CADM2: variants seen among roughly 807,000 people sequenced by gnomAD.
The protein encoded by CADM2 is cell adhesion molecule 2.
A neutral mutation model predicts 49.8 loss-of-function variants in CADM2; 12 were observed. The ratio of observed to expected loss-of-function variants is 0.24; its 90% CI spans 0.15 to 0.39. The LOEUF (loss-of-function observed/expected upper bound fraction) is 0.39, where lower values mean the gene tolerates loss of function less well. CADM2 is among the 10% of genes least tolerant of loss of function. The pLI is 1.00. For missense variants in CADM2, 378 were observed against 492.3 expected (o/e 0.77, Z 2.20); for synonymous variants, 214 against 175.4 (o/e 1.22, Z -1.74).
At chr3:85,639,015 A>G (rs2064616374) in intron 1 of CADM2, among the ~76,000 whole-genome samples, 1 of 152,212 alleles carries the variant, frequency 6.6e-6, no homozygotes, top group Non-Finnish European at 1.5e-5. Context: ...TACAGAGTAC[A>G]TTCCTGTAAA....
intron 1 of CADM2, among the ~76,000 whole-genome samples, chr3:85,663,800 A>G (rs950660099): frequency 5.9e-5 from 9 of 151,896 alleles, no homozygotes; most frequent in Admixed American, 2.6e-4. Flanking sequence ...TCTCTCCTCC[A>G]TATATTTACC....
intron 2 of CADM2, among the ~76,000 whole-genome samples, chr3:85,782,570 C>T (rs552405289): frequency 9.3e-5 from 14 of 150,852 alleles, no homozygotes; most frequent in East Asian, 3.9e-4. Flanking sequence ...GCAGGAGAAT[C>T]GCTTGAACCC....
At chr3:85,994,739 A>C (rs1408027155) in intron 8 of CADM2, 3 of 152,222 alleles carry the variant, frequency 2.0e-5, no homozygotes, top group Admixed American at 1.3e-4. Flanking sequence ...GAGGTGGGGA[A>C]AACAGCTGGT....
intron 1 of CADM2, among the ~76,000 whole-genome samples, chr3:85,199,014 A>T (rs1205304031): frequency 6.6e-6 from 1 of 151,920 alleles, no homozygotes; most frequent in African/African-American, 2.4e-5. Flanking sequence ...CCTCCGCTGC[A>T]GGAAGGCAGC....
rs1003158675 is a variant in CADM2, at chr3:86,070,826, T to C, written c.*4043T>C. 3.9e-5 allele frequency: 6 copies of C among 151,928 alleles called. No homozygotes were observed. The highest frequency in any genetic ancestry group is 1.4e-4 in the African/African-American group (6 of 41,430). The allele number at this position is 151,928 out of a possible 1,614,324, so 9.4% of individuals were successfully genotyped here. ...GTTGGAAACCCATGTAATTATAATA[T>C]GCATTTTGAATATTGGGAAAGAGGA... On this transcript the variant is annotated 3_prime_UTR_variant, in exon 10 of 10. Transcript: ENST00000383699.
intron 1 of CADM2, among the ~76,000 whole-genome samples, chr3:85,203,334 T>G (rs372110622): frequency 6.6e-5 from 10 of 152,242 alleles, no homozygotes; most frequent in African/African-American, 2.4e-4. Context: ...TGGTTACTAT[T>G]AATAATTTTA....
chr3:85,206,789 CTT>C (rs1242510265), intron 1 of CADM2, among the ~76,000 whole-genome samples: 1 of 151,606 alleles, frequency 6.6e-6, no homozygotes, highest in Non-Finnish European at 1.5e-5. Flanking sequence ...ACATTTATAT[CTT>C]TTTATGATTT....
intron 1 of CADM2, among the ~76,000 whole-genome samples, chr3:85,109,001 A>T (rs2038352739): frequency 6.6e-6 from 1 of 152,110 alleles, no homozygotes; most frequent in South Asian, 2.1e-4. Flanking sequence ...TGCAGCATAT[A>T]TTAATCTGGA....
At chr3:85,062,441 A>G (rs1369660231) in intron 1 of CADM2, among the ~76,000 whole-genome samples, 1 of 152,056 alleles carries the variant, frequency 6.6e-6, no homozygotes, top group Non-Finnish European at 1.5e-5. Context: ...ATTTTTGCAT[A>G]TATTTTCATT....
intron 1 of CADM2, among the ~76,000 whole-genome samples, chr3:85,080,154 G>A (rs139441741): frequency 1.3e-5 from 2 of 152,102 alleles, no homozygotes; most frequent in African/African-American, 4.8e-5. Flanking sequence ...TAACTTAAAT[G>A]ATGTACTTCT....
intron 1 of CADM2, among the ~76,000 whole-genome samples, chr3:85,090,939 A>C (rs1226191732): frequency 3.9e-5 from 6 of 152,156 alleles, no homozygotes; most frequent in Admixed American, 1.3e-4. Context: ...GTGGTATCAA[A>C]AAGGTTGGGG....
At chr3:85,038,539 A>AT (rs1173910527) in intron 1 of CADM2, among the ~76,000 whole-genome samples, 2 of 152,264 alleles carry the variant, frequency 1.3e-5, no homozygotes, top group Admixed American at 6.5e-5. Context: ...AGGCATCTAC[A>AT]TTTTTTATAT....
At chr3:85,139,738 G>A (rs1488341585) in intron 1 of CADM2, among the ~76,000 whole-genome samples, 2 of 152,096 alleles carry the variant, frequency 1.3e-5, no homozygotes, top group South Asian at 2.1e-4. Context: ...AACTAATGAA[G>A]AATTGTGTCC....
intron 5 of CADM2, among the ~76,000 whole-genome samples, chr3:85,894,289 T>C (rs576752908): frequency 6.6e-6 from 1 of 152,128 alleles, no homozygotes; most frequent in South Asian, 2.1e-4. Flanking sequence ...TATGTGGGAA[T>C]TGAGCAATGA....
rs187986892 is a variant in CADM2 at position 85,699,036 on chromosome 3, G to T, written c.62-27486G>T. 1.3e-3 allele frequency among the ~76,000 whole-genome samples: 198 copies of T among 152,316 alleles called. 2 individuals are homozygous for T. Among genetic ancestry groups the T allele is most frequent in the African/African-American group, 4.6e-3 (192 of 41,566 alleles). ...GGTAAATACTCCTTTCTGAAAGGGA[G>T]AAATCAGCCAAAACAAAGGGGTTAC... On this transcript the variant is annotated intron_variant, in intron 1 of 9. Coordinates refer to ENST00000383699, the MANE Select transcript of CADM2 (RefSeq NM_001167675.2).
intron 3 of CADM2, among the ~76,000 whole-genome samples, chr3:85,852,822 T>C (rs2075161356): frequency 6.6e-6 from 1 of 152,092 alleles, no homozygotes; most frequent in African/African-American, 2.4e-5. Flanking sequence ...GATGATTTAC[T>C]CTTTCTGGGA....
At chr3:85,218,509 A>G (rs1189996126) in intron 1 of CADM2, among the ~76,000 whole-genome samples, 6 of 152,178 alleles carry the variant, frequency 3.9e-5, no homozygotes, top group African/African-American at 1.2e-4. Flanking sequence ...AGCTGAGAGC[A>G]TAGGGAGGTA....
chr3:85,954,076 T>C (rs751283311), intron 7 of CADM2, among the ~76,000 whole-genome samples: 25 of 150,988 alleles, frequency 1.7e-4, no homozygotes, highest in Admixed American at 3.3e-4. Context: ...AGCTTGCTTA[T>C]TCTACAATTT....
chr3:85,155,407 G>C (rs952953852), intron 1 of CADM2, among the ~76,000 whole-genome samples: 2 of 151,948 alleles, frequency 1.3e-5, no homozygotes, highest in African/African-American at 4.8e-5. Flanking sequence ...AACTATATAT[G>C]CACCCAATAC....
Sources: gnomAD v4.1 joint callset for allele counts (sites outside exome capture counted in the v4.1 genomes callset) on GRCh38, gnomAD v4.1.1 for gene constraint, MANE v1.5 for transcripts, NCBI Gene and HGNC (gene_info 2026-07-23, HGNC 2026-07-21) for gene names.